SIK3: variants seen among roughly 807,000 people sequenced by gnomAD.
SIK3 encodes the protein serine/threonine-protein kinase SIK3.
Under a neutral mutation model 144.2 loss-of-function variants are expected in SIK3, and 28 were observed. The ratio of observed to expected loss-of-function variants is 0.19; its 90% CI spans 0.14 to 0.27. The LOEUF is 0.27. Ranked by LOEUF, SIK3 falls within the 10% of genes least tolerant of loss-of-function variation. SIK3 has a pLI of 1.00. For synonymous variants in SIK3, 686 were observed against 676.3 expected, an observed-to-expected ratio of 1.01 and a Z score of -0.22; for missense variants, 1,319 against 1,776.0, an observed-to-expected ratio of 0.74 and a Z score of 4.62.
At chr11:117,054,697 G>C (rs1953431286) in intron 1 of SIK3, among the ~76,000 whole-genome samples, 2 of 152,130 alleles carry the variant, frequency 1.3e-5, no homozygotes, top group South Asian at 4.1e-4. Context: ...CTTTGGCAGA[G>C]GTGGGAGGAT....
intron 4 of SIK3, among the ~76,000 whole-genome samples, chr11:116,921,017 G>A (rs931107401): frequency 2.0e-5 from 3 of 152,114 alleles, no homozygotes; most frequent in African/African-American, 7.2e-5. Flanking sequence ...CAGCGATGCC[G>A]GCTCCATGCT....
chr11:116,980,051 T>C (rs1950086199), intron 1 of SIK3, among the ~76,000 whole-genome samples: 1 of 152,226 alleles, frequency 6.6e-6, no homozygotes, highest in Non-Finnish European at 1.5e-5. Context: ...ATTAATTTAC[T>C]CTACTCTGTA....
At chr11:117,013,903 G>C (rs200107053) in intron 1 of SIK3, among the ~76,000 whole-genome samples, 2 of 52,764 alleles carry the variant, frequency 3.8e-5, no homozygotes, top group African/African-American at 1.2e-4. Context: ...ATTCTGAGGG[G>C]GGGGGGGGGA....
chr11:116,916,791 T>C (rs1946664964), intron 4 of SIK3, among the ~76,000 whole-genome samples: 1 of 148,310 alleles, frequency 6.7e-6, no homozygotes, highest in African/African-American at 2.5e-5. Flanking sequence ...ATTACAGGTG[T>C]GAGCCAAAAA....
At chr11:116,989,794 G>A (rs554015966) in intron 1 of SIK3, among the ~76,000 whole-genome samples, 1 of 152,188 alleles carries the variant, frequency 6.6e-6, no homozygotes, top group East Asian at 1.9e-4. Flanking sequence ...ATGTGGTTGG[G>A]CAATTAACAA....
chr11:117,024,150 G>A (rs1046774494), intron 1 of SIK3, among the ~76,000 whole-genome samples: 22 of 151,894 alleles, frequency 1.4e-4, no homozygotes. Context: ...GGGTACATAA[G>A]CATCTGTACC....
intron 6 of SIK3, among the ~76,000 whole-genome samples, chr11:116,883,673 C>T (rs1333826012): frequency 6.6e-6 from 1 of 152,180 alleles, no homozygotes; most frequent in African/African-American, 2.4e-5. Flanking sequence ...GTGGCTCACG[C>T]CTATAATCCC....
chr11:117,028,514 G>A (rs1327101478), intron 1 of SIK3, among the ~76,000 whole-genome samples: 1 of 152,082 alleles, frequency 6.6e-6, no homozygotes, highest in Admixed American at 6.6e-5. Context: ...TGGGAACACA[G>A]ACAAGGAAGC....
At chr11:117,008,352 T>C (rs915152218) in intron 1 of SIK3, among the ~76,000 whole-genome samples, 3 of 152,048 alleles carry the variant, frequency 2.0e-5, no homozygotes, top group Non-Finnish European at 4.4e-5. Context: ...CTTGGAAAAA[T>C]TAAGTAACTT....
chr11:116,865,668 T>C (rs1411543100), intron 15 of SIK3, among the ~76,000 whole-genome samples: 2 of 152,178 alleles, frequency 1.3e-5, no homozygotes, highest in Non-Finnish European at 2.9e-5. Flanking sequence ...AAAAGGTTGA[T>C]TAGACCACTC....
chr11:117,021,928 CAAAAA>C (rs71037444), intron 1 of SIK3, among the ~76,000 whole-genome samples: 213 of 58,732 alleles, frequency 3.6e-3, no homozygotes, highest in South Asian at 0.016. Flanking sequence ...TCTGTCTCTA[CAAAAA>C]AAAAAAAAAA....
intron 1 of SIK3, among the ~76,000 whole-genome samples, chr11:116,963,321 C>T (rs1391007166): frequency 6.6e-6 from 1 of 152,134 alleles, no homozygotes; most frequent in Admixed American, 6.5e-5. Flanking sequence ...TCTCAGGACT[C>T]CTTCTCTTAA....
intron 3 of SIK3, among the ~76,000 whole-genome samples, chr11:116,943,552 C>G (rs1374643816): frequency 3.9e-5 from 6 of 152,182 alleles, no homozygotes; most frequent in Non-Finnish European, 8.8e-5. Context: ...CCCTTTCTGC[C>G]TCTCTTGCCT....
chr11:116,857,715 A>G, intron 21 of SIK3, 95 bp downstream of exon 21: 1 of 1,479,238 alleles, frequency 6.8e-7, no homozygotes, highest in Non-Finnish European at 9.0e-7. Flanking sequence ...TTTTTTTCTT[A>G]GGAACACAGA....
intron 1 of SIK3, among the ~76,000 whole-genome samples, chr11:116,959,167 T>C (rs1949251299): frequency 6.6e-6 from 1 of 152,058 alleles, no homozygotes; most frequent in African/African-American, 2.4e-5. Flanking sequence ...CCATCTCTAC[T>C]AAAAAACTTT....
chr11:116,892,620 G>A (rs527401395), intron 6 of SIK3, among the ~76,000 whole-genome samples: 3 of 152,306 alleles, frequency 2.0e-5, no homozygotes, highest in African/African-American at 7.2e-5. Context: ...TTGCTGGCAG[G>A]AATGCAAAAT....
intron 1 of SIK3, among the ~76,000 whole-genome samples, chr11:117,067,093 G>A (rs990654332): frequency 2.6e-5 from 4 of 152,016 alleles, no homozygotes; most frequent in African/African-American, 7.2e-5. Flanking sequence ...AAAATGGTAC[G>A]GCAACTTTGG....
intron 1 of SIK3, among the ~76,000 whole-genome samples, chr11:117,075,604 C>A (rs557986305): frequency 6.7e-6 from 1 of 148,964 alleles, no homozygotes; most frequent in South Asian, 2.1e-4. Context: ...TGCAGTGGCA[C>A]GATCTCGGCT....
intron 4 of SIK3, among the ~76,000 whole-genome samples, chr11:116,907,332 T>A (rs757557327): frequency 5.3e-5 from 8 of 152,180 alleles, no homozygotes; most frequent in Non-Finnish European, 8.8e-5. Flanking sequence ...TTCACGTACA[T>A]CCCATAATTA....
Sources: gnomAD v4.1 joint callset for allele counts (sites outside exome capture counted in the v4.1 genomes callset) on GRCh38, gnomAD v4.1.1 for gene constraint, MANE v1.5 for transcripts, NCBI Gene and HGNC (gene_info 2026-07-23, HGNC 2026-07-21) for gene names.